Variants in SYT16 observed in about 807,000 individuals in gnomAD.
SYT16 encodes the protein synaptotagmin 16, also known as synaptotagmin-16.
In SYT16, 42 loss-of-function variants were observed where a neutral mutation model predicts 61.4. The ratio of observed to expected loss-of-function variants is 0.68; its 90% CI spans 0.53 to 0.89. The LOEUF (loss-of-function observed/expected upper bound fraction) is 0.89. Among genes scored for constraint, SYT16 ranks in the 40% least tolerant of loss-of-function variants. The pLI, the probability that SYT16 is intolerant of heterozygous loss-of-function variation, is 0.00. For synonymous variants in SYT16, 314 were observed against 302.3 expected (o/e 1.04, Z -0.40); for missense variants, 804 against 807.3 (o/e 1.00, Z 0.05).
chr14:61,932,380 G>A (rs144401025), intron 1 of SYT16, among the ~76,000 whole-genome samples: 2 of 152,326 alleles, frequency 1.3e-5, no homozygotes, highest in Non-Finnish European at 2.9e-5. Context: ...AAAGAAAAGA[G>A]GTTTAATTTC....
chr14:61,887,885 G>A (rs2047968863), intron 1 of SYT16, among the ~76,000 whole-genome samples: 2 of 152,298 alleles, frequency 1.3e-5, no homozygotes, highest in South Asian at 2.1e-4. Context: ...TACCATGCCT[G>A]TGTTCACTGA....
At chr14:62,038,157 T>C (rs578084132) in intron 3 of SYT16, among the ~76,000 whole-genome samples, 305 of 151,178 alleles carry the variant, frequency 2.0e-3, no homozygotes, top group Non-Finnish European at 3.0e-3. Flanking sequence ...TGGCCGGTAG[T>C]TTCGCTTGCA....
intron 1 of SYT16, among the ~76,000 whole-genome samples, chr14:61,814,384 A>G (rs886452994): frequency 6.6e-6 from 1 of 152,228 alleles, no homozygotes; most frequent in African/African-American, 2.4e-5. Context: ...ATTAATGAAA[A>G]ACAAAGGCAA....
chr14:61,930,486 A>G (rs940444055), intron 1 of SYT16, among the ~76,000 whole-genome samples: 2 of 152,026 alleles, frequency 1.3e-5, no homozygotes, highest in Non-Finnish European at 2.9e-5. Flanking sequence ...ATCTGTTGGA[A>G]CTGCCTTCTC....
chr14:61,828,088 G>A (rs1594704341), intron 1 of SYT16, among the ~76,000 whole-genome samples: 1 of 152,134 alleles, frequency 6.6e-6, no homozygotes, highest in Non-Finnish European at 1.5e-5. Context: ...GACACAGAGA[G>A]GATCATGTGA....
At chr14:61,863,457 GTTGT>G (rs771671224) in intron 1 of SYT16, among the ~76,000 whole-genome samples, 1 of 152,144 alleles carries the variant, frequency 6.6e-6, no homozygotes, top group African/African-American at 2.4e-5. Flanking sequence ...TTTCAATCAG[GTTGT>G]TTGTGTTCTT....
At chr14:61,968,554 A>G (rs776749177) in intron 1 of SYT16, among the ~76,000 whole-genome samples, 4 of 152,158 alleles carry the variant, frequency 2.6e-5, no homozygotes, top group Non-Finnish European at 4.4e-5. Context: ...GCTCCTAGAT[A>G]TTTTAGTAGC....
intron 3 of SYT16, among the ~76,000 whole-genome samples, chr14:61,997,071 T>G (rs1302600840): frequency 6.6e-6 from 1 of 152,076 alleles, no homozygotes; most frequent in Non-Finnish European, 1.5e-5. Flanking sequence ...CTCTGAATGG[T>G]AAGGACACAT....
At chr14:61,860,325 G>A (rs2046924643) in intron 1 of SYT16, among the ~76,000 whole-genome samples, 2 of 152,322 alleles carry the variant, frequency 1.3e-5, no homozygotes, top group South Asian at 2.1e-4. Context: ...TAGGAGTGTA[G>A]TAATAACCTT....
chr14:61,822,621 G>T (rs1205404723), intron 1 of SYT16, among the ~76,000 whole-genome samples: 1 of 152,202 alleles, frequency 6.6e-6, no homozygotes, highest in Non-Finnish European at 1.5e-5. Context: ...CGCTGGAAGG[G>T]TAATTTTTGG....
intron 1 of SYT16, among the ~76,000 whole-genome samples, chr14:61,892,300 C>T (rs1025395766): frequency 9.9e-5 from 15 of 152,048 alleles, no homozygotes; most frequent in African/African-American, 3.6e-4. Flanking sequence ...TTTCTCTCTC[C>T]CTCCACCTCT....
Position 61,996,096 on chromosome 14 carries a change from A to G in SYT16, c.77A>G (p.Glu26Gly). 6.2e-7 allele frequency: 1 copy of G among 1,612,864 alleles called. No individual in the cohort carries two copies. The highest frequency in any genetic ancestry group is 8.5e-7 in the Non-Finnish European group (1 of 1,179,324). ...PFSSWISRVY[E>G]ALQQAGDMLS... ...TCTTCCTGGATATCTCGGGTTTATG[A>G]AGCTCTCCAGCAAGCAGGAGATATG... Residue 26 changes from glutamate (E) to glycine (G), a missense_variant, in exon 3 of 8, where the codon GAA (glutamate) becomes GGA (glycine). Physicochemically the swap from Glu to Gly is moderately conservative, Grantham distance 98 (BLOSUM62 -2). Transcript: ENST00000683842.
At chr14:61,967,111 G>T (rs552102686) in intron 1 of SYT16, among the ~76,000 whole-genome samples, 10 of 152,332 alleles carry the variant, frequency 6.6e-5, no homozygotes, top group African/African-American at 2.4e-4. Flanking sequence ...AGGAAGCATG[G>T]TATCAGATTA....
intron 1 of SYT16, among the ~76,000 whole-genome samples, chr14:61,868,712 C>T (rs925919779): frequency 1.3e-5 from 2 of 151,854 alleles, no homozygotes; most frequent in African/African-American, 4.8e-5. Flanking sequence ...TGTTTTGTTG[C>T]CCAGATTATG....
At chr14:61,976,790 C>G (rs1279098785) in intron 2 of SYT16, among the ~76,000 whole-genome samples, 1 of 152,140 alleles carries the variant, frequency 6.6e-6, no homozygotes, top group Non-Finnish European at 1.5e-5. Context: ...GACATTTTCC[C>G]CATTGTCTTG....
chr14:61,913,316 G>A (rs368983410), intron 1 of SYT16, among the ~76,000 whole-genome samples: 1 of 152,066 alleles, frequency 6.6e-6, no homozygotes, highest in Non-Finnish European at 1.5e-5. Context: ...ATGAATGATG[G>A]GTTCTGGAAA....
At chr14:62,089,063 A>G (rs753976197) in intron 7 of SYT16, among the ~76,000 whole-genome samples, 41 of 151,916 alleles carry the variant, frequency 2.7e-4, no homozygotes, top group Non-Finnish European at 5.3e-4. Flanking sequence ...CATGCCTGTA[A>G]TCCCAGCACT....
At chr14:62,097,178 T>C (rs2057299154) in intron 7 of SYT16, among the ~76,000 whole-genome samples, 2 of 152,152 alleles carry the variant, frequency 1.3e-5, no homozygotes, top group Non-Finnish European at 2.9e-5. Flanking sequence ...TATGTACTAT[T>C]ATAAATATTT....
At chr14:61,987,260 C>T (rs1247859451) in intron 2 of SYT16, among the ~76,000 whole-genome samples, 1 of 151,958 alleles carries the variant, frequency 6.6e-6, no homozygotes, top group Non-Finnish European at 1.5e-5. Flanking sequence ...GGTGAGATGC[C>T]CCAGCCTGGA....
Sources: allele counts gnomAD v4.1 joint callset (sites outside exome capture counted in the v4.1 genomes callset), GRCh38; gene constraint gnomAD v4.1.1; transcripts MANE v1.5; gene names NCBI Gene and HGNC (gene_info 2026-07-23, HGNC 2026-07-21).